The following ANAPC1 variants were observed in gnomAD, a reference collection of about 807,000 sequenced individuals.
The protein encoded by ANAPC1 is anaphase-promoting complex subunit 1.
A neutral mutation model predicts 208.0 loss-of-function variants in ANAPC1; 36 were observed. The observed-to-expected ratio is 0.17, with a 90% CI of 0.13 to 0.23. ANAPC1 has a LOEUF of 0.23. Ranked by LOEUF, ANAPC1 falls within the 10% of genes least tolerant of loss-of-function variation. The pLI, the probability that ANAPC1 is intolerant of heterozygous loss-of-function variation, is 1.00. For synonymous variants in ANAPC1, 378 were observed against 695.2 expected, an observed-to-expected ratio of 0.54 and a Z score of 7.18; for missense variants, 942 against 2,011.6, an observed-to-expected ratio of 0.47 and a Z score of 10.17.
chr2:111,797,801 C>G (rs1194955744), intron 34 of ANAPC1, among the ~76,000 whole-genome samples: 2 of 115,202 alleles, frequency 1.7e-5, no homozygotes, highest in Non-Finnish European at 3.6e-5. Flanking sequence ...TGGCCATATT[C>G]CAATAAAATT....
intron 42 of ANAPC1, 41 bp from the exon 43 acceptor site, chr2:111,782,548 C>G: frequency 6.2e-7 from 1 of 1,611,426 alleles, no homozygotes; most frequent in African/African-American, 1.3e-5. Context: ...GTATTACTGG[C>G]AGTTCTTGGC....
chr2:111,868,872 G>A (rs774306159), intron 6 of ANAPC1, among the ~76,000 whole-genome samples: 18 of 151,904 alleles, frequency 1.2e-4, no homozygotes, highest in Non-Finnish European at 1.8e-4. Context: ...TTTTTAGAGC[G>A]AAGACGGGCT....
At chr2:111,880,959 A>T (rs1683268205) in intron 1 of ANAPC1, 110 bp from the exon 2 acceptor site, 8 of 982,530 alleles carry the variant, frequency 8.1e-6, no homozygotes, top group Middle Eastern at 3.3e-4. Flanking sequence ...TAATTATATC[A>T]GACTGGTAAG....
At chr2:111,794,744 C>T (rs557246970) in intron 35 of ANAPC1, 74 bp downstream of exon 35, 17 of 1,043,806 alleles carry the variant, frequency 1.6e-5, no homozygotes, top group African/African-American at 1.3e-4. Context: ...GACAATATTA[C>T]TCCCACATGG....
Position 111,864,788 on chromosome 2 carries a change from A to T in ANAPC1, c.831+18T>A, listed in dbSNP as rs1342059215. On this transcript the variant is annotated intron_variant, in intron 8 of 47. Coordinates refer to ENST00000341068, the MANE Select transcript of ANAPC1 (RefSeq NM_022662.4). ...TACCCTTTCCTATTAAGGAGAAGTGACTTGCCTTTCTCCTTACCTCTGATT... is the reference window on the plus strand; with the variant it reads ...TACCCTTTCCTATTAAGGAGAAGTGTCTTGCCTTTCTCCTTACCTCTGATT... The T allele has an allele frequency of 1.9e-6, 3 of 1,610,282 alleles. No homozygotes were observed. In the East Asian group the frequency reaches 6.7e-5, roughly 36 times the overall value.
chr2:111,801,231 C>T (rs1168852211), intron 33 of ANAPC1, among the ~76,000 whole-genome samples: 1 of 151,646 alleles, frequency 6.6e-6, no homozygotes, highest in African/African-American at 2.4e-5. Context: ...GTGGCACACG[C>T]CTGTAGTCCT....
downstream of ANAPC1, chr2:111,767,494 C>G (rs1676504279): frequency 6.3e-6 from 1 of 158,728 alleles, no homozygotes; most frequent in African/African-American, 2.4e-5. Flanking sequence ...TCCCTGCTAG[C>G]TAATCAGACG....
rs1226776512 is a variant in ANAPC1, at chr2:111,826,660, TA to T, written c.2626-806del. On this transcript the variant is annotated intron_variant, in intron 21 of 47. Transcript: ENST00000341068. ...TATGACCAAAGCTGCTTTATTTATT[TA>T]TTTATTTTTTTTTTTTTTGAGACGG... Among the ~76,000 whole-genome samples, 100 of 91,318 alleles carry T rather than the reference TA, an allele frequency of 1.1e-3. 2 individuals carry two copies. In the South Asian group the frequency reaches 0.028, roughly 25 times the overall value. 59.9% of individuals were successfully genotyped at this position (91,318 alleles called of 152,430 possible).
At chr2:111,789,139 A>C (rs1233310921) in intron 38 of ANAPC1, among the ~76,000 whole-genome samples, 1 of 151,648 alleles carries the variant, frequency 6.6e-6, no homozygotes, top group African/African-American at 2.4e-5. Context: ...CTCCTTCTCA[A>C]AAAAAAAAAA....
chr2:111,801,082 C>T (rs963938384), intron 33 of ANAPC1, among the ~76,000 whole-genome samples: 2 of 152,148 alleles, frequency 1.3e-5, no homozygotes, highest in African/African-American at 4.8e-5. Flanking sequence ...TTAGGCCAGG[C>T]TCAGTGGCTC....
rs1414104186 is a variant in ANAPC1 at position 111,816,886 on chromosome 2, GCAC to G, written c.3326-1248_3326-1246del. 9.7e-5 allele frequency among the ~76,000 whole-genome samples: 10 copies of G among 103,458 alleles called. 1 individual carries two copies. The highest frequency in any genetic ancestry group is 3.8e-4 in the African/African-American group (10 of 26,630). The allele number at this position is 103,458 out of a possible 152,430, so 67.9% of individuals were successfully genotyped here. On this transcript the variant is annotated intron_variant, in intron 27 of 47. Coordinates refer to ENST00000341068, the MANE Select transcript of ANAPC1 (RefSeq NM_022662.4). The stretch of plus-strand genomic sequence containing the variant: ...AAAGCTAACTCAACTGCTAGTGTTA[GCAC>G]CACAATGAGTAATAAGTTCATAAGT...
intron 16 of ANAPC1, among the ~76,000 whole-genome samples, chr2:111,844,455 G>C (rs527468599): frequency 0.022 from 3,267 of 151,596 alleles, 110 homozygotes; most frequent in African/African-American, 0.074. Flanking sequence ...TGTAATCCCA[G>C]CTACTCAGGA....
intron 10 of ANAPC1, among the ~76,000 whole-genome samples, chr2:111,860,046 C>T (rs536653798): frequency 6.6e-6 from 1 of 152,036 alleles, no homozygotes; most frequent in Non-Finnish European, 1.5e-5. Flanking sequence ...ACCTGTAATC[C>T]CATTACTTTG....
chr2:111,846,633 G>A (rs1463276113), intron 16 of ANAPC1, among the ~76,000 whole-genome samples: 6 of 125,604 alleles, frequency 4.8e-5, no homozygotes, highest in Non-Finnish European at 7.8e-5. Flanking sequence ...GCAGTGGCAC[G>A]ATCTCCACTC....
intron 28 of ANAPC1, among the ~76,000 whole-genome samples, chr2:111,811,870 C>G (rs1271895165): frequency 8.8e-6 from 1 of 114,140 alleles, no homozygotes; most frequent in Non-Finnish European, 1.8e-5. Context: ...GTATAATAGA[C>G]CTTGCACTTA....
chr2:111,808,615 G>C (rs1418450311), intron 29 of ANAPC1, among the ~76,000 whole-genome samples: 5 of 152,156 alleles, frequency 3.3e-5, no homozygotes, highest in African/African-American at 9.7e-5. Flanking sequence ...TGAGTTTTAA[G>C]TGCAGGCCAC....
At chr2:111,792,200 G>A (rs1162657383) in intron 38 of ANAPC1, among the ~76,000 whole-genome samples, 162 bp downstream of exon 38, 2 of 147,886 alleles carry the variant, frequency 1.4e-5, no homozygotes, top group African/African-American at 5.1e-5. Context: ...ATAAGTTGAC[G>A]GTTAAACTAC....
intron 13 of ANAPC1, chr2:111,856,382 T>C: frequency 2.0e-6 from 1 of 499,116 alleles, no homozygotes; most frequent in South Asian, 2.9e-5. Context: ...AGGTTTCCCA[T>C]CTGTGACAGG....
intron 38 of ANAPC1, 54 bp from the exon 39 acceptor site, chr2:111,788,374 T>C: frequency 1.9e-6 from 3 of 1,596,866 alleles, no homozygotes; most frequent in Non-Finnish European, 1.7e-6. Context: ...GCACATACTT[T>C]CAAGGCATTC....
Sources: gnomAD v4.1 joint callset for allele counts (sites outside exome capture counted in the v4.1 genomes callset) on GRCh38, gnomAD v4.1.1 for gene constraint, MANE v1.5 for transcripts, NCBI Gene and HGNC (gene_info 2026-07-23, HGNC 2026-07-21) for gene names.